The following EXPH5 variants were observed in gnomAD, a reference collection of about 807,000 sequenced individuals.
EXPH5 encodes the protein exophilin-5.
EXPH5 carries 42 observed loss-of-function variants against 41.1 expected under a neutral mutation model. The ratio of observed to expected loss-of-function variants is 1.02; its 90% CI spans 0.80 to 1.32. The LOEUF is 1.32. EXPH5 is among the 40% of genes most tolerant of loss of function. EXPH5 has a pLI of 0.00. For synonymous variants in EXPH5, 798 were observed against 833.5 expected, an observed-to-expected ratio of 0.96 and a Z score of 0.73; for missense variants, 2,298 against 2,314.5, an observed-to-expected ratio of 0.99 and a Z score of 0.15.
At chr11:108,560,317 CAA>C (rs2094006246) in intron 1 of EXPH5, among the ~76,000 whole-genome samples, 1 of 152,226 alleles carries the variant, frequency 6.6e-6, no homozygotes, top group African/African-American at 2.4e-5. Flanking sequence ...TACTTATTTT[CAA>C]AGAGTTAACT....
chr11:108,604,227 C>CAAA, the EXPH5 span, among the ~76,000 whole-genome samples: 1,466 of 109,624 alleles, frequency 0.013, 50 homozygotes, highest in African/African-American at 0.037. Context: ...CCCATCTCTA[C>CAAA]AAAAAAAAAA....
chr11:108,590,894 C>T (rs2094125965), intron 1 of EXPH5, among the ~76,000 whole-genome samples: 1 of 152,202 alleles, frequency 6.6e-6, no homozygotes, highest in South Asian at 2.1e-4. Flanking sequence ...CTCAAGCGAT[C>T]CTTTTGCCTC....
At chr11:108,532,882 G>A (rs975818245) in intron 3 of EXPH5, among the ~76,000 whole-genome samples, 1 of 152,146 alleles carries the variant, frequency 6.6e-6, no homozygotes, top group African/African-American at 2.4e-5. Flanking sequence ...TTGTCTGTAT[G>A]TGCTCCCGCA....
chr11:108,569,913 C>T (rs1020068594), intron 1 of EXPH5, among the ~76,000 whole-genome samples: 3 of 152,228 alleles, frequency 2.0e-5, no homozygotes, highest in Non-Finnish European at 4.4e-5. Flanking sequence ...TTTCCAAAGA[C>T]AACTGCCTCA....
intron 4 of EXPH5, among the ~76,000 whole-genome samples, chr11:108,521,613 A>T (rs894525387): frequency 9.2e-5 from 14 of 152,228 alleles, no homozygotes; most frequent in Admixed American, 3.3e-4. Context: ...ATCATTTGAG[A>T]AATCAGATCA....
At chr11:108,543,340 A>G (rs931093876) in intron 1 of EXPH5, among the ~76,000 whole-genome samples, 10 of 152,226 alleles carry the variant, frequency 6.6e-5, no homozygotes, top group African/African-American at 2.2e-4. Flanking sequence ...TATTTAAGGA[A>G]GACCCTAGAA....
chr11:108,599,745 C>T, the EXPH5 span, among the ~76,000 whole-genome samples: 1 of 152,172 alleles, frequency 6.6e-6, no homozygotes, highest in Admixed American at 6.5e-5. Context: ...GTGCAGACAT[C>T]AAGTAACACC....
At chr11:108,583,503 GC>G (rs36114753) in intron 1 of EXPH5, among the ~76,000 whole-genome samples, 8,147 of 151,900 alleles carry the variant, frequency 0.054, 313 homozygotes, top group Middle Eastern at 0.085. Context: ...AAAGCTCTCA[GC>G]AAGCAAGAAA....
intron 1 of EXPH5, among the ~76,000 whole-genome samples, chr11:108,577,051 A>C (rs1167148119): frequency 2.0e-5 from 3 of 152,212 alleles, no homozygotes. Context: ...TATTGTTGCA[A>C]ATCATAGGAT....
the EXPH5 span, among the ~76,000 whole-genome samples, chr11:108,605,018 T>A: frequency 6.6e-6 from 1 of 151,724 alleles, no homozygotes; most frequent in African/African-American, 2.4e-5. Context: ...AAGTAAGAGG[T>A]GAGTGGACAG....
chr11:108,593,761 G>C lies in EXPH5; in HGVS notation c.-225C>G, dbSNP rs541154457. On this transcript the variant is annotated 5_prime_UTR_variant, in exon 1 of 6. Transcript: ENST00000265843. ...TTCTCTCAACCTGTCCAACCGAGAT[G>C]CAAAGTGAACGGCTAAAGGGAGAGA... 5 of 1,535,826 alleles carry C rather than the reference G, an allele frequency of 3.3e-6. No individual in the cohort carries two copies. The Admixed American group carries it at 9.8e-5, about 30-fold the overall frequency.
chr11:108,593,529 T>C lies in EXPH5; in HGVS notation c.8A>G (p.Lys3Arg). The change falls in exon 1 of 6, where the codon AAA becomes AGA. Residue 3 changes from lysine (K) to arginine (R), a missense_variant. Physicochemically the swap from Lys to Arg is conservative, Grantham distance 26. Coordinates refer to ENST00000265843, the MANE Select transcript of EXPH5 (RefSeq NM_015065.3). MTKVPPAFDFSFL... is the reference protein window; with the variant it reads MTRVPPAFDFSFL... ...ACTGAAATCAAACGCCGGAGGAACT[T>C]TCGTCATTTTCTTTACTGTGTGTGA... The C allele has an allele frequency of 1.2e-6, 2 of 1,614,222 alleles. No individual in the cohort carries two copies. The highest frequency in any genetic ancestry group is 4.5e-5 in the East Asian group (2 of 44,884).
chr11:108,535,722 A>T (rs1362936868), intron 3 of EXPH5, among the ~76,000 whole-genome samples: 1 of 152,150 alleles, frequency 6.6e-6, no homozygotes, highest in Non-Finnish European at 1.5e-5. Flanking sequence ...TGTACGACCT[A>T]TGGGTCAGGC....
At chr11:108,582,781 T>A (rs2094102410) in intron 1 of EXPH5, among the ~76,000 whole-genome samples, 1 of 152,238 alleles carries the variant, frequency 6.6e-6, no homozygotes, top group Non-Finnish European at 1.5e-5. Context: ...GCCTCTCTCC[T>A]AGCTTCTGAA....
At chr11:108,607,413 A>G in the EXPH5 span, among the ~76,000 whole-genome samples, 19,555 of 152,200 alleles carry the variant, frequency 0.13, 2,424 homozygotes, top group African/African-American at 0.33. Context: ...CCTCCAAAAA[A>G]TATTCTTGCA....
In EXPH5 at chr11:108,511,682, A is replaced by G. The variant is rs995469934; in HGVS notation, c.3825T>C (p.Thr1275=). ...CTTGAGGTGATTCTATAAGTAAATTAGTATTTTGTGTATACTGTTGAAGGA... is the reference window on the plus strand; with the variant it reads ...CTTGAGGTGATTCTATAAGTAAATTGGTATTTTGTGTATACTGTTGAAGGA... ...CNLLQQYTQN[T]NLLIESPQVE... is the part of the protein sequence containing the mutation. Residue 1275 remains threonine (T), a synonymous_variant, in exon 6 of 6, where the codon ACT becomes ACC. Coordinates refer to ENST00000265843, the MANE Select transcript of EXPH5 (RefSeq NM_015065.3). 1.2e-6 allele frequency: 2 copies of G among 1,604,338 alleles called. No homozygotes were observed. The highest frequency in any genetic ancestry group is 1.7e-6 in the Non-Finnish European group (2 of 1,177,260).
At chr11:108,567,924 G>A (rs1188985432) in intron 1 of EXPH5, 2 of 152,162 alleles carry the variant, frequency 1.3e-5, no homozygotes, top group Non-Finnish European at 2.9e-5. Flanking sequence ...TTACCTGGTG[G>A]GTGTTGGGTA....
In EXPH5 at chr11:108,507,216, T is replaced by C. The variant is rs2093649043; in HGVS notation, c.*2321A>G. The C allele has an allele frequency of 6.6e-6, 1 of 152,218 alleles. No homozygotes were observed. The highest frequency in any genetic ancestry group is 6.5e-5 in the Admixed American group (1 of 15,276). The allele number at this position is 152,218 out of a possible 1,614,324, so 9.4% of individuals were successfully genotyped here. On this transcript the variant is annotated 3_prime_UTR_variant, in exon 6 of 6. Coordinates refer to ENST00000265843, the MANE Select transcript of EXPH5 (RefSeq NM_015065.3). ...ATTTAGGGAATAGCTTTCATGTTAG[T>C]TACCGCATGTTCATTAGCTTTGAGT...
chr11:108,511,454 C>A lies in EXPH5; in HGVS notation c.4053G>T (p.Glu1351Asp). Residue 1351 changes from glutamate to aspartate, a missense_variant, in exon 6 of 6, where the codon GAG becomes GAT. Coordinates refer to ENST00000265843, the MANE Select transcript of EXPH5 (RefSeq NM_015065.3). ...CCTCTTCAGGAAGAGAAACAGCTGCCTCAACAGAAGCCATTTCCTGTAATG... is the reference window on the plus strand; with the variant it reads ...CCTCTTCAGGAAGAGAAACAGCTGCATCAACAGAAGCCATTTCCTGTAATG... The part of the protein sequence containing the change: ...APTLQEMASV[E>D]AAVSLPEEES... 2 of 1,582,132 alleles carry A rather than the reference C, an allele frequency of 1.3e-6. No homozygotes were observed. Among genetic ancestry groups the A allele is most frequent in the South Asian group, 1.2e-5 (1 of 85,004 alleles).
Sources: allele counts gnomAD v4.1 joint callset (sites outside exome capture counted in the v4.1 genomes callset), GRCh38; gene constraint gnomAD v4.1.1; transcripts MANE v1.5; gene names NCBI Gene and HGNC (gene_info 2026-07-23, HGNC 2026-07-21).